Variants in TBC1D14 observed in about 807,000 individuals in gnomAD.
TBC1D14 encodes TBC1 domain family member 14.
A neutral mutation model predicts 79.0 loss-of-function variants in TBC1D14; 26 were observed. That is an observed-to-expected ratio of 0.33 (90% CI 0.24 to 0.46). The LOEUF is 0.46. Ranked by LOEUF, TBC1D14 falls within the 20% of genes least tolerant of loss-of-function variation. The pLI, the probability that TBC1D14 is intolerant of heterozygous loss-of-function variation, is 1.00. For missense variants in TBC1D14, 769 were observed against 887.6 expected, an observed-to-expected ratio of 0.87 and a Z score of 1.70; for synonymous variants, 394 against 349.9, an observed-to-expected ratio of 1.13 and a Z score of -1.40.
At chr4:6,924,745 G>C (rs1724151050) in intron 2 of TBC1D14, among the ~76,000 whole-genome samples, 1 of 152,194 alleles carries the variant, frequency 6.6e-6, no homozygotes, top group African/African-American at 2.4e-5. Flanking sequence ...CCCTGGGGGG[G>C]CCGCGCCTTC....
At chr4:7,026,154 CT>C (rs34608007) in intron 13 of TBC1D14, among the ~76,000 whole-genome samples, 129,559 of 147,142 alleles carry the variant, frequency 0.88, 57,148 homozygotes, top group East Asian at 0.97. Context: ...CTTGATTTAA[CT>C]TTTTTTTTTT....
At chr4:7,021,741 A>G (rs956106066) in intron 12 of TBC1D14, among the ~76,000 whole-genome samples, 2 of 152,110 alleles carry the variant, frequency 1.3e-5, no homozygotes, top group African/African-American at 4.8e-5. Context: ...ACGCAATAAT[A>G]TGCAGTGGTC....
chr4:6,974,084 A>G (rs1716493122), intron 3 of TBC1D14, among the ~76,000 whole-genome samples: 1 of 152,128 alleles, frequency 6.6e-6, no homozygotes, highest in Non-Finnish European at 1.5e-5. Flanking sequence ...TTGGCCTCCC[A>G]GAGTGCTGGG....
At chr4:7,010,312 T>A (rs561177750) in intron 10 of TBC1D14, among the ~76,000 whole-genome samples, 209 of 152,314 alleles carry the variant, frequency 1.4e-3, no homozygotes, top group Middle Eastern at 3.4e-3. Flanking sequence ...GGTTTGATAT[T>A]AAGCTTATTG....
intron 2 of TBC1D14, among the ~76,000 whole-genome samples, chr4:6,961,069 G>T (rs1715148870): frequency 6.6e-6 from 1 of 152,140 alleles, no homozygotes; most frequent in Admixed American, 6.5e-5. Context: ...CAGAAAAATG[G>T]ACACGCCATT....
chr4:7,015,513 C>G (rs1340772098), intron 12 of TBC1D14, among the ~76,000 whole-genome samples: 2 of 152,082 alleles, frequency 1.3e-5, no homozygotes, highest in African/African-American at 4.8e-5. Flanking sequence ...GAGACAGATA[C>G]AAGGATCCTG....
At chr4:6,957,989 G>T (rs1314615482) in intron 2 of TBC1D14, among the ~76,000 whole-genome samples, 1 of 151,522 alleles carries the variant, frequency 6.6e-6, no homozygotes, top group Non-Finnish European at 1.5e-5. Context: ...CCCTTGTTGG[G>T]ATATCCTAAC....
intron 2 of TBC1D14, among the ~76,000 whole-genome samples, chr4:6,937,585 G>A (rs959245503): frequency 9.9e-5 from 15 of 152,188 alleles, no homozygotes; most frequent in African/African-American, 3.6e-4. Context: ...GGAAGGAAGC[G>A]TTGCTGGGGG....
intron 3 of TBC1D14, among the ~76,000 whole-genome samples, chr4:6,991,359 C>T (rs1718467911): frequency 6.6e-6 from 1 of 152,184 alleles, no homozygotes; most frequent in Non-Finnish European, 1.5e-5. Flanking sequence ...GGAACCCCAG[C>T]GCGTGGCCTG....
chr4:7,006,471 TTAAA>T (rs1170762209), intron 8 of TBC1D14, among the ~76,000 whole-genome samples, 157 bp from the exon 9 acceptor site: 1 of 152,368 alleles, frequency 6.6e-6, no homozygotes, highest in Non-Finnish European at 1.5e-5. Flanking sequence ...CTGCAATCTG[TTAAA>T]TACTCTGAAG....
chr4:6,996,804 T>C (rs1719099575), intron 5 of TBC1D14, among the ~76,000 whole-genome samples: 1 of 152,208 alleles, frequency 6.6e-6, no homozygotes, highest in Non-Finnish European at 1.5e-5. Context: ...CCGGGTAGCT[T>C]TATTCAAGAG....
intron 2 of TBC1D14, 51 bp from the exon 3 acceptor site, chr4:6,967,253 G>C: frequency 6.3e-7 from 1 of 1,598,814 alleles, no homozygotes; most frequent in South Asian, 1.1e-5. Flanking sequence ...CTGTTCTGGT[G>C]TTTCTTGAAT....
intron 13 of TBC1D14, among the ~76,000 whole-genome samples, chr4:7,026,498 A>G (rs1222428164): frequency 1.3e-5 from 2 of 152,252 alleles, no homozygotes; most frequent in African/African-American, 4.8e-5. Context: ...AATAAAGTCC[A>G]TGCCTTGTGA....
intron 12 of TBC1D14, among the ~76,000 whole-genome samples, chr4:7,021,752 G>A (rs6854776): frequency 0.87 from 131,946 of 152,228 alleles, 57,275 homozygotes; most frequent in East Asian, 0.98. Context: ...TGCAGTGGTC[G>A]GAGGCAAAAC....
intron 1 of TBC1D14, among the ~76,000 whole-genome samples, chr4:6,913,328 C>G (rs946794833): frequency 6.6e-6 from 1 of 152,180 alleles, no homozygotes. Flanking sequence ...TGCAGCCTAA[C>G]AAACATACAT....
intron 12 of TBC1D14, among the ~76,000 whole-genome samples, chr4:7,018,819 T>G (rs1033750681): frequency 1.3e-5 from 2 of 152,266 alleles, no homozygotes; most frequent in Non-Finnish European, 2.9e-5. Context: ...TTTGTAGGAC[T>G]GACTTTAGGT....
chr4:7,024,907 T>G, intron 12 of TBC1D14, 97 bp from the exon 13 acceptor site: 3 of 1,529,960 alleles, frequency 2.0e-6, no homozygotes, highest in Non-Finnish European at 2.7e-6. Context: ...TGAAAGTGAC[T>G]AGGGGAGTGT....
At chr4:6,962,723 C>T (rs1166807094) in intron 2 of TBC1D14, among the ~76,000 whole-genome samples, 1 of 152,084 alleles carries the variant, frequency 6.6e-6, no homozygotes, top group Non-Finnish European at 1.5e-5. Flanking sequence ...CTCTCCCAGC[C>T]CCCCACTGCC....
intron 1 of TBC1D14, among the ~76,000 whole-genome samples, chr4:6,922,734 C>G (rs927629847): frequency 6.6e-6 from 1 of 152,112 alleles, no homozygotes; most frequent in Admixed American, 6.5e-5. Context: ...TCACCACTCC[C>G]CCAAAAGAAA....
Sources: allele counts gnomAD v4.1 joint callset (sites outside exome capture counted in the v4.1 genomes callset), GRCh38; gene constraint gnomAD v4.1.1; transcripts MANE v1.5; gene names NCBI Gene and HGNC (gene_info 2026-07-23, HGNC 2026-07-21).